PDE4B: variants seen among roughly 807,000 people sequenced by gnomAD.
PDE4B encodes the protein phosphodiesterase 4B.
A neutral mutation model predicts 82.2 loss-of-function variants in PDE4B; 20 were observed. The observed-to-expected ratio is 0.24, with a 90% confidence interval of 0.17 to 0.35. The LOEUF (loss-of-function observed/expected upper bound fraction) is 0.35, where lower values mean the gene tolerates loss of function less well. PDE4B is among the 10% of genes least tolerant of loss of function. The pLI is 1.00. For synonymous variants in PDE4B, 320 were observed against 318.9 expected (o/e 1.00, Z -0.04); for missense variants, 655 against 907.2 (o/e 0.72, Z 3.57).
chr1:66,173,353 G>T (rs963022889), intron 3 of PDE4B, among the ~76,000 whole-genome samples: 1 of 152,164 alleles, frequency 6.6e-6, no homozygotes, highest in African/African-American at 2.4e-5. Context: ...AAGCAGAGAC[G>T]GGCATAAGCC....
At chr1:65,838,010 A>G (rs1646161366) in intron 1 of PDE4B, among the ~76,000 whole-genome samples, 1 of 152,176 alleles carries the variant, frequency 6.6e-6, no homozygotes, top group Non-Finnish European at 1.5e-5. Flanking sequence ...GTACTTTTGC[A>G]GTATTTTCTA....
At chr1:66,349,046 A>G (rs1661625424) in intron 8 of PDE4B, among the ~76,000 whole-genome samples, 1 of 152,186 alleles carries the variant, frequency 6.6e-6, no homozygotes, top group South Asian at 2.1e-4. Flanking sequence ...AAAAATGGAC[A>G]GCAGAAAAGG....
chr1:66,371,495 C>G (rs1313438920), intron 16 of PDE4B, among the ~76,000 whole-genome samples: 1 of 152,102 alleles, frequency 6.6e-6, no homozygotes, highest in East Asian at 1.9e-4. Context: ...CTGAGTAAAC[C>G]ATAACAGAGC....
At position 66,330,047 on chromosome 1, in the gene PDE4B, C is replaced by G. The variant is rs574029478; in HGVS notation, c.635-2461C>G. Among the ~76,000 whole-genome samples, 4 of 152,284 alleles carry G rather than the reference C, an allele frequency of 2.6e-5. No homozygotes were observed. The South Asian group carries it at 6.2e-4, about 24-fold the overall frequency. On this transcript the variant is annotated intron_variant, in intron 7 of 16. Coordinates refer to ENST00000341517, the MANE Select transcript of PDE4B (RefSeq NM_002600.4). The stretch of plus-strand genomic sequence containing the variant: ...TTCATAGGTAGCAGGTGTTTGATAT[C>G]CCCCTATTTAGTACACTCTAACCTC...
At chr1:66,071,025 T>A (rs1238950696) in intron 3 of PDE4B, among the ~76,000 whole-genome samples, 1 of 152,032 alleles carries the variant, frequency 6.6e-6, no homozygotes, top group Admixed American at 6.6e-5. Context: ...TTCTTCAGAG[T>A]AAATTATGTT....
intron 3 of PDE4B, among the ~76,000 whole-genome samples, chr1:66,068,897 C>T (rs1656007502): frequency 6.6e-6 from 1 of 151,904 alleles, no homozygotes; most frequent in African/African-American, 2.4e-5. Context: ...TCTTTGGTTA[C>T]CTGTAGGTAA....
chr1:66,030,814 A>G (rs765373911), intron 3 of PDE4B, among the ~76,000 whole-genome samples: 1 of 152,226 alleles, frequency 6.6e-6, no homozygotes, highest in Non-Finnish European at 1.5e-5. Context: ...TGCAGCCAAC[A>G]TGGATTCAGC....
chr1:66,118,271 C>T (rs1378023529), intron 3 of PDE4B, among the ~76,000 whole-genome samples: 1 of 152,142 alleles, frequency 6.6e-6, no homozygotes, highest in Non-Finnish European at 1.5e-5. Context: ...CACACGCACA[C>T]ATATGTTTAT....
chr1:66,165,655 G>A (rs1318963188), intron 3 of PDE4B, among the ~76,000 whole-genome samples: 1 of 151,808 alleles, frequency 6.6e-6, no homozygotes, highest in Non-Finnish European at 1.5e-5. Context: ...GCATCAAAAA[G>A]AATAAAATAT....
intron 1 of PDE4B, among the ~76,000 whole-genome samples, chr1:65,794,589 T>C (rs1013419179): frequency 1.3e-5 from 2 of 152,202 alleles, no homozygotes; most frequent in African/African-American, 4.8e-5. Flanking sequence ...CATTTCTTGG[T>C]ATCCCAAGAG....
intron 9 of PDE4B, among the ~76,000 whole-genome samples, chr1:66,356,558 A>C (rs1662260542): frequency 6.6e-6 from 1 of 152,264 alleles, no homozygotes; most frequent in Non-Finnish European, 1.5e-5. Context: ...TCACAGCTGA[A>C]CACTGCATCC....
chr1:66,159,635 C>T (rs1050046062), intron 3 of PDE4B, among the ~76,000 whole-genome samples: 8 of 152,170 alleles, frequency 5.3e-5, no homozygotes, highest in Non-Finnish European at 1.2e-4. Context: ...ATAGGATTTT[C>T]GACATGGGCT....
chr1:66,250,920 G>A lies in PDE4B; in HGVS notation c.476+3266G>A, dbSNP rs77139317. ...GAAGCTTTTGAAAGCCACCATTTAC[G>A]TGTGGACTAAGTAGTCTCTAGAGAG... On this transcript the variant is annotated intron_variant, in intron 4 of 16. Transcript: ENST00000341517. Among the ~76,000 whole-genome samples, 480 of 152,274 alleles carry A rather than the reference G, an allele frequency of 3.2e-3. 1 individual carries two copies. Among genetic ancestry groups the A allele is most frequent in the African/African-American group, 0.011 (458 of 41,562 alleles).
At chr1:66,132,302 A>T (rs560980199) in intron 3 of PDE4B, among the ~76,000 whole-genome samples, 4 of 152,302 alleles carry the variant, frequency 2.6e-5, no homozygotes, top group Admixed American at 2.6e-4. Context: ...AGTCTGATAG[A>T]TCTACTTCAA....
chr1:65,861,474 G>A (rs751555648), intron 1 of PDE4B, among the ~76,000 whole-genome samples: 58 of 152,156 alleles, frequency 3.8e-4, no homozygotes, highest in Non-Finnish European at 8.1e-4. Context: ...TTGAAGTCAG[G>A]TAGTGTGATG....
intron 3 of PDE4B, among the ~76,000 whole-genome samples, chr1:66,091,118 T>C (rs985510214): frequency 6.6e-6 from 1 of 152,000 alleles, no homozygotes; most frequent in African/African-American, 2.4e-5. Flanking sequence ...AAACAGTTTT[T>C]CTAGTTTCTT....
chr1:66,019,282 C>T (rs968435357), intron 3 of PDE4B, among the ~76,000 whole-genome samples: 21 of 151,344 alleles, frequency 1.4e-4, no homozygotes, highest in African/African-American at 5.1e-4. Context: ...TCACATAGAG[C>T]TATTTAAATG....
Position 66,090,621 on chromosome 1 carries a change from A to ATATATATATATATATATATATG in PDE4B, c.282-156838_282-156837insATATATATATATATATATATGT. On this transcript the variant is annotated intron_variant, in intron 3 of 16. Coordinates refer to ENST00000341517, the MANE Select transcript of PDE4B (RefSeq NM_002600.4). ...TTATATATATATATGTATATAATAT[A>ATATATATATATATATATATATG]TGTGTGTGTGTGTGTGTGTATGTAC... Among the ~76,000 whole-genome samples, 220 of 122,642 alleles carry ATATATATATATATATATATATG rather than the reference A, an allele frequency of 1.8e-3. 6 individuals are homozygous for ATATATATATATATATATATATG. Among genetic ancestry groups the ATATATATATATATATATATATG allele is most frequent in the African/African-American group, 8.6e-3 (208 of 24,298 alleles). 80.5% of individuals were successfully genotyped at this position (122,642 alleles called of 152,430 possible).
intron 3 of PDE4B, among the ~76,000 whole-genome samples, chr1:66,098,708 T>C (rs1645162974): frequency 1.3e-5 from 2 of 152,156 alleles, no homozygotes; most frequent in South Asian, 4.1e-4. Flanking sequence ...AAGACTATAA[T>C]GGGCGTACCT....
Sources: gnomAD v4.1 joint callset for allele counts (sites outside exome capture counted in the v4.1 genomes callset) on GRCh38, gnomAD v4.1.1 for gene constraint, MANE v1.5 for transcripts, NCBI Gene and HGNC (gene_info 2026-07-23, HGNC 2026-07-21) for gene names.